Variants in CYB5R4 observed in about 807,000 individuals in gnomAD.
The protein encoded by CYB5R4 is N-terminal cytochrome b5 and cytochrome b5 oxidoreductase domain-containing protein.
A neutral mutation model predicts 70.2 loss-of-function variants in CYB5R4; 55 were observed. That is an observed-to-expected ratio of 0.78 (90% confidence interval 0.63 to 0.98). The LOEUF (loss-of-function observed/expected upper bound fraction) is 0.98. Among genes scored for constraint, CYB5R4 ranks in the 50% least tolerant of loss-of-function variants. The pLI is 0.00. For synonymous variants in CYB5R4, 197 were observed against 199.5 expected (o/e 0.99, Z 0.11); for missense variants, 562 against 612.6 (o/e 0.92, Z 0.87).
chr6:83,864,305 A>G lies in CYB5R4; in HGVS notation c.206A>G (p.Asp69Gly). 1.2e-6 allele frequency: 2 copies of G among 1,612,588 alleles called. No homozygotes were observed. Among genetic ancestry groups the G allele is most frequent in the Non-Finnish European group, 1.7e-6 (2 of 1,179,376 alleles). The change falls in exon 2 of 16, where the codon GAT becomes GGT. Residue 69 changes from aspartate to glycine, a missense_variant. Transcript: ENST00000369681. ...EEELKKHNKK[D>G]DCWICIRGFV... ...GAACTTAAGAAACACAACAAAAAAG[A>G]TGATTGTTGGATATGCATAAGAGGT...
intron 2 of CYB5R4, among the ~76,000 whole-genome samples, chr6:83,892,474 C>T (rs900590123): frequency 4.6e-5 from 7 of 152,060 alleles, no homozygotes; most frequent in African/African-American, 9.7e-5. Context: ...GTCTTTAGGG[C>T]TAGATTTGTC....
At chr6:83,921,446 G>A (rs138395905) in intron 8 of CYB5R4, among the ~76,000 whole-genome samples, 126 of 152,186 alleles carry the variant, frequency 8.3e-4, no homozygotes, top group African/African-American at 2.7e-3. Flanking sequence ...AAAATCTCTC[G>A]TGCCTGACAC....
intron 2 of CYB5R4, among the ~76,000 whole-genome samples, chr6:83,877,387 G>A (rs1462312225): frequency 6.6e-6 from 1 of 152,088 alleles, no homozygotes; most frequent in Non-Finnish European, 1.5e-5. Flanking sequence ...AGGAATGCCT[G>A]AGGCTGGGTA....
chr6:83,924,058 A>C (rs2099466868), intron 9 of CYB5R4, among the ~76,000 whole-genome samples: 1 of 134,084 alleles, frequency 7.5e-6, no homozygotes, highest in Non-Finnish European at 1.5e-5. Context: ...TGACAGAGCA[A>C]GACTCCGTCT....
chr6:83,876,237 T>C (rs2099458532), intron 2 of CYB5R4, among the ~76,000 whole-genome samples: 1 of 152,238 alleles, frequency 6.6e-6, no homozygotes, highest in South Asian at 2.1e-4. Context: ...TGTATAGTTT[T>C]GTATTTTCTT....
At chr6:83,907,494 T>C (rs1314499347) in intron 3 of CYB5R4, among the ~76,000 whole-genome samples, 10 of 151,714 alleles carry the variant, frequency 6.6e-5, no homozygotes, top group Non-Finnish European at 1.2e-4. Context: ...TTTTAACTTT[T>C]ATTTTAGGTT....
intron 14 of CYB5R4, among the ~76,000 whole-genome samples, chr6:83,954,129 G>T (rs1163278374): frequency 1.3e-5 from 2 of 152,102 alleles, no homozygotes; most frequent in Non-Finnish European, 2.9e-5. Context: ...TTTTTAGACA[G>T]TAAGTTAACC....
intron 2 of CYB5R4, among the ~76,000 whole-genome samples, chr6:83,890,372 A>G (rs1588565616): frequency 1.3e-5 from 2 of 152,352 alleles, no homozygotes; most frequent in South Asian, 2.1e-4. Flanking sequence ...GACAACAGCT[A>G]GAAAACTAGA....
At chr6:83,926,666 G>T (rs190570581) in intron 10 of CYB5R4, among the ~76,000 whole-genome samples, 2 of 152,240 alleles carry the variant, frequency 1.3e-5, no homozygotes, top group East Asian at 3.9e-4. Flanking sequence ...TATGTGTTTG[G>T]TGAGGGGACA....
At chr6:83,871,385 A>G (rs1267371774) in intron 2 of CYB5R4, among the ~76,000 whole-genome samples, 1 of 152,206 alleles carries the variant, frequency 6.6e-6, no homozygotes. Context: ...CTGTCTTACT[A>G]ACATCTAAGA....
Position 83,934,599 on chromosome 6 carries a change from G to A in CYB5R4, c.819G>A (p.Leu273=), listed in dbSNP as rs539465080. The A allele has an allele frequency of 1.2e-6, 2 of 1,606,978 alleles. No homozygotes were observed. The highest frequency in any genetic ancestry group is 2.2e-5 in the South Asian group (2 of 90,596). ...AGAAAATGAATCACTTTTTAGGTTT[G>A]TACTACAGAAAGTGCCAGTTAATTT... The part of the protein sequence containing the change: ...NSLIPRKDTG[L]YYRKCQLISK... Residue 273 remains leucine (L), a synonymous_variant, in exon 11 of 16, where the codon TTG becomes TTA. Coordinates refer to ENST00000369681, the MANE Select transcript of CYB5R4 (RefSeq NM_016230.4).
chr6:83,887,085 A>G (rs1313217403), intron 2 of CYB5R4, among the ~76,000 whole-genome samples: 1 of 152,196 alleles, frequency 6.6e-6, no homozygotes, highest in Non-Finnish European at 1.5e-5. Context: ...ATGAAAAACT[A>G]TAGGCAGTGT....
chr6:83,911,740 G>T (rs368055398), intron 4 of CYB5R4, among the ~76,000 whole-genome samples: 1 of 151,718 alleles, frequency 6.6e-6, no homozygotes, highest in Admixed American at 6.6e-5. Context: ...ACAGCCACAC[G>T]CAATCTTAAA....
chr6:83,883,724 A>C lies in CYB5R4; in HGVS notation c.230-9798A>C, dbSNP rs185613385. ...TTCAGATATTTAGGAGGTGGTAAAT[A>C]TGTAAGAGAAAATACTACTTTTTGT... On this transcript the variant is annotated intron_variant, in intron 2 of 15. Transcript: ENST00000369681. 2.8e-3 allele frequency among the ~76,000 whole-genome samples: 433 copies of C among 152,318 alleles called. 2 individuals carry two copies. Among genetic ancestry groups the C allele is most frequent in the African/African-American group, 1.0e-2 (414 of 41,584 alleles).
At chr6:83,938,922 CCT>C (rs2099469334) in intron 12 of CYB5R4, among the ~76,000 whole-genome samples, 1 of 151,926 alleles carries the variant, frequency 6.6e-6, no homozygotes, top group African/African-American at 2.4e-5. Context: ...GCAACCTCCG[CCT>C]CTCGGGTTCA....
chr6:83,865,860 C>T (rs1325311211), intron 2 of CYB5R4, among the ~76,000 whole-genome samples: 1 of 152,128 alleles, frequency 6.6e-6, no homozygotes, highest in Non-Finnish European at 1.5e-5. Flanking sequence ...GTGTTCAGCT[C>T]CCCAAAGTTC....
At chr6:83,871,484 C>A (rs1271389362) in intron 2 of CYB5R4, among the ~76,000 whole-genome samples, 2 of 151,888 alleles carry the variant, frequency 1.3e-5, no homozygotes, top group Admixed American at 1.3e-4. Context: ...CACTTTTTCT[C>A]TCTCTGTACT....
chr6:83,920,157 AG>A (rs1223628338), intron 7 of CYB5R4, among the ~76,000 whole-genome samples: 1 of 152,222 alleles, frequency 6.6e-6, no homozygotes, highest in Non-Finnish European at 1.5e-5. Flanking sequence ...AATATCTCCA[AG>A]CACATCCTCC....
intron 2 of CYB5R4, among the ~76,000 whole-genome samples, chr6:83,866,888 G>A (rs1444975925): frequency 6.6e-6 from 1 of 152,102 alleles, no homozygotes; most frequent in Non-Finnish European, 1.5e-5. Context: ...CAAAGTGCTG[G>A]GATTACAGGC....
Sources: allele counts gnomAD v4.1 joint callset (sites outside exome capture counted in the v4.1 genomes callset), GRCh38; gene constraint gnomAD v4.1.1; transcripts MANE v1.5; gene names NCBI Gene and HGNC (gene_info 2026-07-23, HGNC 2026-07-21).